Variants in GATA6 observed in about 807,000 individuals in gnomAD.
GATA6 encodes the protein transcription factor GATA-6.
In GATA6, 11 loss-of-function variants were observed where a neutral mutation model predicts 48.1. The observed-to-expected ratio is 0.23, with a 90% confidence interval of 0.14 to 0.38. GATA6 has a LOEUF of 0.38. Among genes scored for constraint, GATA6 ranks in the 10% least tolerant of loss-of-function variants. The pLI is 1.00. For synonymous variants in GATA6, 419 were observed against 396.1 expected (o/e 1.06, Z -0.69); for missense variants, 795 against 850.3 (o/e 0.93, Z 0.81).
intron 6 of GATA6, among the ~76,000 whole-genome samples, chr18:22,188,643 G>C (rs1158090479): frequency 6.6e-6 from 1 of 152,194 alleles, no homozygotes; most frequent in African/African-American, 2.4e-5. Context: ...TGTGTTTTCT[G>C]TCTGTACACT....
chr18:22,172,400 T>A lies in GATA6; in HGVS notation c.1135+121T>A, dbSNP rs1598734567. 2 of 1,442,536 alleles carry A rather than the reference T, an allele frequency of 1.4e-6. No individual in the cohort carries two copies. Among genetic ancestry groups the A allele is most frequent in the African/African-American group, 2.9e-5 (2 of 69,738 alleles). 89.4% of individuals were successfully genotyped at this position (1,442,536 alleles called of 1,614,324 possible). A position where few individuals can be genotyped will look rare whatever the true frequency, so the allele number is the denominator to read the frequency against. ...ACTTTCTCGTCCGGGTGCGCGGAGGTCGGCCTGGTCCCAGGAAGGATTTGC... is the reference window on the plus strand; with the variant it reads ...ACTTTCTCGTCCGGGTGCGCGGAGGACGGCCTGGTCCCAGGAAGGATTTGC... On this transcript the variant is annotated intron_variant, in intron 2 of 6. Transcript: ENST00000269216. This position sits in a 1 kb window ranked among gnomAD's most constrained non-coding sequence, Gnocchi z 5.2.
In GATA6 at chr18:22,177,109, G is replaced by T. The variant is rs1030890046; in HGVS notation, c.1290G>T (p.Pro430=). 37 of 1,550,142 alleles carry T rather than the reference G, an allele frequency of 2.4e-5. No homozygotes were observed. Among genetic ancestry groups the T allele is most frequent in the Non-Finnish European group, 3.0e-5 (34 of 1,148,640 alleles). The change falls in exon 3 of 7, where the codon CCG becomes CCT. Residue 430 remains proline, a synonymous_variant. Transcript: ENST00000269216. Reference sequence around the variant, plus strand: ...GCCTCAGCCGGCCCCTCATCAAGCCGCAGAAGCGCGTGGTGAGTGTGACCC... The same window carrying T: ...GCCTCAGCCGGCCCCTCATCAAGCCTCAGAAGCGCGTGGTGAGTGTGACCC... ...MNGLSRPLIK[P]QKRVPSSRRL...
rs760198114 is a variant in GATA6 at position 22,171,094 on chromosome 18, C to G, written c.-37-14C>G. The G allele has an allele frequency of 6.5e-7, 1 of 1,536,810 alleles. No individual in the cohort carries two copies. The highest frequency in any genetic ancestry group is 8.9e-7 in the Non-Finnish European group (1 of 1,126,172). On this transcript the variant is annotated splice_polypyrimidine_tract_variant and intron_variant, in intron 1 of 6. Coordinates refer to ENST00000269216, the MANE Select transcript of GATA6 (RefSeq NM_005257.6). This position sits in a 1 kb window ranked among gnomAD's most constrained non-coding sequence, Gnocchi z 7.1. The stretch of plus-strand genomic sequence containing the variant: ...CGATCTCCTACCATACCCGTCTCCC[C>G]CACCCCACCTCAGGAGCTAGACGTC...
intron 6 of GATA6, among the ~76,000 whole-genome samples, chr18:22,193,107 C>T (rs190885501): frequency 1.6e-4 from 25 of 152,174 alleles, no homozygotes; most frequent in Admixed American, 1.3e-3. Context: ...ATTTGTTTGC[C>T]GAATTAAATA....
At chr18:22,199,151 C>T (rs1341287867) in intron 6 of GATA6, among the ~76,000 whole-genome samples, 1 of 152,142 alleles carries the variant, frequency 6.6e-6, no homozygotes, top group Non-Finnish European at 1.5e-5. Flanking sequence ...CAAACCAGAT[C>T]TTGTTGGAAA....
rs543948761 is a variant in GATA6, at chr18:22,177,968, T to G, written c.1302+847T>G. 2.7e-4 allele frequency among the ~76,000 whole-genome samples: 37 copies of G among 139,382 alleles called. No homozygotes were observed. In the South Asian group the frequency reaches 7.3e-3, roughly 28 times the overall value. 91.4% of individuals were successfully genotyped at this position (139,382 alleles called of 152,430 possible). On this transcript the variant is annotated intron_variant, in intron 3 of 6. Coordinates refer to ENST00000269216, the MANE Select transcript of GATA6 (RefSeq NM_005257.6). ...TGTTTTTTTGTTTTTTTTTTTTTTT[T>G]TTTTTTTTTTGAGACGGAGTTTCAC...
rs552267503 is a variant in GATA6 at position 22,178,245 on chromosome 18, G to A, written c.1302+1124G>A. ...CTCCCGAAGTGCTAGGATTACAGGCGTGAGCCACCGCGCCCGGCCACCATG... is the reference window on the plus strand; with the variant it reads ...CTCCCGAAGTGCTAGGATTACAGGCATGAGCCACCGCGCCCGGCCACCATG... On this transcript the variant is annotated intron_variant, in intron 3 of 6. Coordinates refer to ENST00000269216, the MANE Select transcript of GATA6 (RefSeq NM_005257.6). Among the ~76,000 whole-genome samples, 5 of 152,056 alleles carry A rather than the reference G, an allele frequency of 3.3e-5. No individual in the cohort carries two copies. In the East Asian group the frequency reaches 7.7e-4, roughly 24 times the overall value.
chr18:22,189,801 A>G (rs962787501), intron 6 of GATA6, among the ~76,000 whole-genome samples: 25 of 152,224 alleles, frequency 1.6e-4, no homozygotes, highest in African/African-American at 6.0e-4. Context: ...CACTTATAAG[A>G]TAGTGAACAT....
At chr18:22,186,643 T>C (rs1201149357) in intron 6 of GATA6, among the ~76,000 whole-genome samples, 2 of 151,990 alleles carry the variant, frequency 1.3e-5, no homozygotes, top group Non-Finnish European at 2.9e-5. Context: ...GGGTCTATCG[T>C]GGTTGTCTGC....
chr18:22,186,716 C>T (rs1054418732), intron 6 of GATA6, among the ~76,000 whole-genome samples: 2 of 152,212 alleles, frequency 1.3e-5, no homozygotes, highest in African/African-American at 4.8e-5. Context: ...GGGCATAATT[C>T]CTAGTGCACG....
intron 6 of GATA6, 119 bp from the exon 7 acceptor site, chr18:22,200,536 CA>C (rs2033446762): frequency 1.6e-6 from 2 of 1,287,392 alleles, no homozygotes; most frequent in South Asian, 2.4e-5. Flanking sequence ...TGGGTCTGCC[CA>C]GGAGCAGCTC....
Position 22,185,852 on chromosome 18 carries a change from G to A in GATA6, c.1620+2809G>A, listed in dbSNP as rs2143310893. On this transcript the variant is annotated intron_variant, in intron 6 of 6. Coordinates refer to ENST00000269216, the MANE Select transcript of GATA6 (RefSeq NM_005257.6). This position sits in a 1 kb window ranked among gnomAD's most constrained non-coding sequence, Gnocchi z 4.3. ...GGCTGAGCCTTCATGTGTATGGCAT[G>A]GCCCATGTGGCTGCCGAGTAGCTGT... Among the ~76,000 whole-genome samples, 1 of 152,298 alleles carries A rather than the reference G, an allele frequency of 6.6e-6. No homozygotes were observed.
Position 22,171,337 on chromosome 18 carries a change from C to T in GATA6, c.193C>T (p.Leu65Phe). The change falls in exon 2 of 7, where the codon CTC (leucine) becomes TTC (phenylalanine). Residue 65 changes from leucine (L) to phenylalanine (F), a missense_variant. Leu to Phe is a conservative substitution (Grantham distance 22). This residue lies in a region of GATA6 where 591 missense variants were observed against 570.0 expected (regional missense o/e 1.04). Transcript: ENST00000269216. This position sits in a 1 kb window ranked among gnomAD's most constrained non-coding sequence, Gnocchi z 7.1. ...CGCCAGCAACTGCGGGACGCCTCAG[C>T]TCGACACGGAGGCGGCGGCCGGACC... ...GGASNCGTPQ[L>F]DTEAAAGPPA... 6.3e-7 allele frequency: 1 copy of T among 1,588,058 alleles called. No individual in the cohort carries two copies. Among genetic ancestry groups the T allele is most frequent in the Non-Finnish European group, 8.5e-7 (1 of 1,174,344 alleles).
intron 6 of GATA6, among the ~76,000 whole-genome samples, chr18:22,191,035 G>A (rs1342662450): frequency 4.0e-5 from 1 of 25,076 alleles, no homozygotes; most frequent in Non-Finnish European, 7.1e-5. Context: ...TAAATCTCGT[G>A]TGTGTGTGTG....
intron 6 of GATA6, 131 bp from the exon 7 acceptor site, chr18:22,200,525 C>T (rs1459556623): frequency 2.6e-6 from 3 of 1,150,552 alleles, no homozygotes; most frequent in East Asian, 4.7e-5. Flanking sequence ...TTCTCCTGCC[C>T]TGGGTCTGCC....
Position 22,170,374 on chromosome 18 carries a change from G to A in GATA6, c.-38+692G>A, listed in dbSNP as rs918887380. On this transcript the variant is annotated intron_variant, in intron 1 of 6. Coordinates refer to ENST00000269216, the MANE Select transcript of GATA6 (RefSeq NM_005257.6). The surrounding 1 kb of genome is among the most constrained non-coding windows in gnomAD (Gnocchi z 6.7). ...GTGTCTAAGGTGTGCGGCGCCGCGG[G>A]GACGCCGGTGGGGCTGGCGATTCCC... Among the ~76,000 whole-genome samples, 3 of 152,216 alleles carry A rather than the reference G, an allele frequency of 2.0e-5. No homozygotes were observed. Among genetic ancestry groups the A allele is most frequent in the African/African-American group, 4.8e-5 (2 of 41,472 alleles).
chr18:22,191,081 G>T (rs2033323236), intron 6 of GATA6, among the ~76,000 whole-genome samples: 1 of 147,984 alleles, frequency 6.8e-6, no homozygotes, highest in African/African-American at 2.5e-5. Context: ...GTGACAGGGA[G>T]GATGGTAAGA....
intron 6 of GATA6, among the ~76,000 whole-genome samples, chr18:22,189,925 C>T (rs1362636789): frequency 6.6e-6 from 1 of 152,142 alleles, no homozygotes; most frequent in Non-Finnish European, 1.5e-5. Flanking sequence ...AGAACAGTTC[C>T]AAGGTCACGT....
intron 6 of GATA6, among the ~76,000 whole-genome samples, chr18:22,197,920 G>T (rs1263029095): frequency 1.3e-5 from 2 of 152,002 alleles, no homozygotes; most frequent in Non-Finnish European, 2.9e-5. Context: ...TTCATGATAA[G>T]CAGCCAACAG....
Sources: gnomAD v4.1 joint callset for allele counts (sites outside exome capture counted in the v4.1 genomes callset) on GRCh38, gnomAD v4.1.1 for gene constraint, gnomAD v4.1.1 regional missense constraint, Gnocchi (gnomAD v3.1) non-coding constraint, MANE v1.5 for transcripts, NCBI Gene and HGNC (gene_info 2026-07-23, HGNC 2026-07-21) for gene names.